The following SI variants were observed in gnomAD, a reference collection of about 807,000 sequenced individuals.
SI encodes sucrase-isomaltase, intestinal.
Under a neutral mutation model 253.3 loss-of-function variants are expected in SI, and 235 were observed. The observed-to-expected ratio is 0.93, with a 90% CI of 0.83 to 1.03. SI has a LOEUF of 1.03. SI is among the 50% of genes least tolerant of loss of function. The pLI is 0.00. For synonymous variants in SI, 819 were observed against 712.0 expected (o/e 1.15, Z -2.39); for missense variants, 2,442 against 2,211.1 (o/e 1.10, Z -2.09).
the SI span, among the ~76,000 whole-genome samples, chr3:165,083,508 C>T: frequency 6.6e-6 from 1 of 151,922 alleles, no homozygotes; most frequent in Non-Finnish European, 1.5e-5. Context: ...TACCTGTCTA[C>T]CCTAGATCGT....
intron 28 of SI, 95 bp downstream of exon 28, chr3:165,019,507 T>C: frequency 4.4e-6 from 5 of 1,148,054 alleles, no homozygotes; most frequent in Non-Finnish European, 6.6e-6. Context: ...CCTTTGTCAT[T>C]ACTTCAATCC....
chr3:164,986,014 T>TA (rs1274198985), intron 45 of SI, among the ~76,000 whole-genome samples: 3 of 150,962 alleles, frequency 2.0e-5, no homozygotes, highest in Non-Finnish European at 4.4e-5. Flanking sequence ...TCTCCTCATG[T>TA]AAAAAAATGC....
At chr3:165,023,506 G>A in intron 26 of SI, 64 bp downstream of exon 26, 1 of 1,062,600 alleles carries the variant, frequency 9.4e-7, no homozygotes, top group South Asian at 1.3e-5. Context: ...ATCAATCACA[G>A]GATTATTCAA....
chr3:165,002,600 G>T (rs1559984322), intron 37 of SI, among the ~76,000 whole-genome samples: 1 of 151,574 alleles, frequency 6.6e-6, no homozygotes, highest in Non-Finnish European at 1.5e-5. Flanking sequence ...TTTATAATTT[G>T]TTCAGTTTTC....
chr3:165,012,476 T>G (rs1718817491), intron 34 of SI, among the ~76,000 whole-genome samples: 1 of 152,202 alleles, frequency 6.6e-6, no homozygotes, highest in African/African-American at 2.4e-5. Context: ...TCACCCAGGC[T>G]GGAGTGCAGT....
At chr3:164,983,168 G>A in intron 45 of SI, 117 bp from the exon 46 acceptor site, 6 of 1,004,258 alleles carry the variant, frequency 6.0e-6, no homozygotes, top group East Asian at 6.1e-5. Flanking sequence ...TTATCAAGAT[G>A]TACCTATTTT....
At chr3:165,086,276 G>T in the SI span, among the ~76,000 whole-genome samples, 1 of 151,908 alleles carries the variant, frequency 6.6e-6, no homozygotes, top group Non-Finnish European at 1.5e-5. Context: ...AATCCTAATT[G>T]AGAAAAAAAT....
chr3:165,022,135 T>C (rs1183890285), intron 26 of SI, among the ~76,000 whole-genome samples: 2 of 151,652 alleles, frequency 1.3e-5, no homozygotes, highest in South Asian at 2.1e-4. Context: ...GAGGTCTTGA[T>C]ATTTTTTCTT....
intron 27 of SI, among the ~76,000 whole-genome samples, chr3:165,020,812 T>C (rs1043444121): frequency 6.6e-6 from 1 of 151,730 alleles, no homozygotes; most frequent in African/African-American, 2.4e-5. Flanking sequence ...TTATTTTCAC[T>C]AATACCTGGC....
At chr3:165,036,008 G>A (rs1195351968) in intron 22 of SI, among the ~76,000 whole-genome samples, 3 of 151,724 alleles carry the variant, frequency 2.0e-5, no homozygotes, top group Non-Finnish European at 4.4e-5. Flanking sequence ...ATCTTTAAAT[G>A]TTGGTTTTAT....
At chr3:164,986,165 T>C (rs1431985852) in intron 45 of SI, among the ~76,000 whole-genome samples, 1 of 152,110 alleles carries the variant, frequency 6.6e-6, no homozygotes, top group Non-Finnish European at 1.5e-5. Context: ...AAAAACTGAT[T>C]TCTCAGAATA....
At chr3:165,027,493 C>T (rs1711990413) in intron 25 of SI, among the ~76,000 whole-genome samples, 1 of 151,136 alleles carries the variant, frequency 6.6e-6, no homozygotes, top group African/African-American at 2.4e-5. Context: ...CAGGAAAGGA[C>T]ATAACCAAAA....
chr3:164,998,671 G>T lies in SI; in HGVS notation c.4409C>A (p.Ala1470Glu). 1 of 1,609,592 alleles carries T rather than the reference G, an allele frequency of 6.2e-7. No homozygotes were observed. The highest frequency in any genetic ancestry group is 8.5e-7 in the Non-Finnish European group (1 of 1,176,572). ...TCTTTTTCCAGTTGTCTTCTGCAAT[G>T]CACTAATATAGTAGAGAAGTATTTT... ...GWSQMKPTHDALQKTTGKRGI... is the reference protein window; with the variant it reads ...GWSQMKPTHDELQKTTGKRGI... Residue 1470 changes from alanine to glutamate, a missense_variant and splice_region_variant, in exon 38 of 48, where the codon GCA (alanine) becomes GAA (glutamate). Coordinates refer to ENST00000264382, the MANE Select transcript of SI (RefSeq NM_001041.4).
At chr3:164,991,709 A>T (rs1444592075) in intron 43 of SI, among the ~76,000 whole-genome samples, 12 of 152,162 alleles carry the variant, frequency 7.9e-5, no homozygotes, top group Admixed American at 3.3e-4. Context: ...TTTACTTTTT[A>T]AAAAAGCATA....
intron 46 of SI, 145 bp from the exon 47 acceptor site, chr3:164,982,555 T>C: frequency 1.5e-6 from 1 of 662,378 alleles, no homozygotes; most frequent in East Asian, 2.8e-5. Flanking sequence ...TTTTACATAA[T>C]AAACATGAAT....
At chr3:165,036,591 G>A (rs1424208652) in intron 21 of SI, 114 bp from the exon 22 acceptor site, 26 of 649,496 alleles carry the variant, frequency 4.0e-5, no homozygotes, top group South Asian at 1.9e-4. Context: ...ATTCAGTAAG[G>A]ACATTGACAT....
intron 3 of SI, among the ~76,000 whole-genome samples, chr3:165,071,854 A>C (rs2108107272): frequency 6.6e-6 from 1 of 152,266 alleles, no homozygotes; most frequent in South Asian, 2.1e-4. Context: ...GATCTTGGAC[A>C]TCTAGCTTCC....
intron 16 of SI, among the ~76,000 whole-genome samples, chr3:165,045,145 T>C (rs1314087884): frequency 6.6e-6 from 1 of 152,072 alleles, no homozygotes. Flanking sequence ...TCCTCATTCT[T>C]TTTCTCTACT....
At chr3:165,040,022 C>A (rs1353234123) in intron 18 of SI, 51 bp from the exon 19 acceptor site, 1 of 1,399,214 alleles carries the variant, frequency 7.1e-7, no homozygotes, top group African/African-American at 1.4e-5. Context: ...ATAAGTTTAT[C>A]CAAATTCCTG....
Sources: gnomAD v4.1 joint callset for allele counts (sites outside exome capture counted in the v4.1 genomes callset) on GRCh38, gnomAD v4.1.1 for gene constraint, MANE v1.5 for transcripts, NCBI Gene and HGNC (gene_info 2026-07-23, HGNC 2026-07-21) for gene names.